CDC42SE2: variants seen among roughly 807,000 people sequenced by gnomAD.
The protein encoded by CDC42SE2 is CDC42 small effector protein 2.
In CDC42SE2, 3 loss-of-function variants were observed where a neutral mutation model predicts 11.5. The observed-to-expected ratio is 0.26, with a 90% confidence interval of 0.12 to 0.67. CDC42SE2 has a LOEUF of 0.67. Among genes scored for constraint, CDC42SE2 ranks in the 30% least tolerant of loss-of-function variants. The pLI is 0.80. For missense variants in CDC42SE2, 82 were observed against 106.8 expected, an observed-to-expected ratio of 0.77 and a Z score of 1.02; for synonymous variants, 33 against 34.8, an observed-to-expected ratio of 0.95 and a Z score of 0.18.
chr5:131,317,910 C>T (rs1758073934), intron 2 of CDC42SE2, among the ~76,000 whole-genome samples: 1 of 151,354 alleles, frequency 6.6e-6, no homozygotes, highest in Non-Finnish European at 1.5e-5. Flanking sequence ...TGGGAGAATA[C>T]CTTTTTTTCC....
At chr5:131,241,727 AC>A (rs1470353849), upstream of CDC42SE2, among the ~76,000 whole-genome samples, 2 of 151,884 alleles carry the variant, frequency 1.3e-5, no homozygotes, top group Admixed American at 6.6e-5. Context: ...ATATACACAA[AC>A]ACTCAAACTC....
chr5:131,350,382 C>G, intron 2 of CDC42SE2, among the ~76,000 whole-genome samples: 1 of 151,198 alleles, frequency 6.6e-6, no homozygotes. Flanking sequence ...GAAATATTAC[C>G]TAATCACACC....
chr5:131,329,836 G>T (rs1758378599), intron 2 of CDC42SE2, among the ~76,000 whole-genome samples: 1 of 134,052 alleles, frequency 7.5e-6, no homozygotes. Flanking sequence ...CTGAGATTGT[G>T]CCATTGCCCT....
chr5:131,312,621 G>T (rs923789558), intron 1 of CDC42SE2, among the ~76,000 whole-genome samples: 2 of 152,354 alleles, frequency 1.3e-5, no homozygotes, highest in East Asian at 1.9e-4. Flanking sequence ...CTCCGAGCCA[G>T]GCGCGGGATA....
intron 3 of CDC42SE2, among the ~76,000 whole-genome samples, chr5:131,372,703 A>G (rs1750045594): frequency 6.7e-6 from 1 of 150,206 alleles, no homozygotes; most frequent in Non-Finnish European, 1.5e-5. Context: ...ACAGAGTGAA[A>G]CTCTGTCTCA....
At chr5:131,218,196 A>G in the CDC42SE2 span, among the ~76,000 whole-genome samples, 4 of 147,736 alleles carry the variant, frequency 2.7e-5, no homozygotes, top group Non-Finnish European at 6.0e-5. Flanking sequence ...AAAAAAAAAG[A>G]GGAAGAAGAA....
At chr5:131,308,511 A>G (rs1757827300) in intron 1 of CDC42SE2, among the ~76,000 whole-genome samples, 3 of 152,016 alleles carry the variant, frequency 2.0e-5, no homozygotes, top group African/African-American at 7.2e-5. Context: ...TGGGGATGGC[A>G]TTGAATCTGT....
chr5:131,274,105 T>C (rs1200287633), intron 1 of CDC42SE2, among the ~76,000 whole-genome samples: 1 of 152,210 alleles, frequency 6.6e-6, no homozygotes, highest in Non-Finnish European at 1.5e-5. Context: ...ATGTTATCTT[T>C]AGTCTGGATC....
At chr5:131,222,878 C>CTTCTGACTCTGCTTCTGACT in the CDC42SE2 span, among the ~76,000 whole-genome samples, 14 of 152,364 alleles carry the variant, frequency 9.2e-5, no homozygotes, top group Middle Eastern at 3.4e-3. Flanking sequence ...GCCACTTACT[C>CTTCTGACTCTGCTTCTGACT]CAGCCTTTGC....
intron 1 of CDC42SE2, among the ~76,000 whole-genome samples, chr5:131,268,672 G>A (rs1346462993): frequency 6.7e-6 from 1 of 149,328 alleles, no homozygotes; most frequent in African/African-American, 2.5e-5. Context: ...GGCTGGTCTC[G>A]AACTCCCGAC....
the CDC42SE2 span, among the ~76,000 whole-genome samples, chr5:131,232,113 C>T: frequency 1.3e-5 from 2 of 151,060 alleles, no homozygotes; most frequent in Non-Finnish European, 3.0e-5. Context: ...CATTTGTTAC[C>T]TATTTTTTTT....
the CDC42SE2 span, among the ~76,000 whole-genome samples, chr5:131,229,899 A>G: frequency 6.6e-6 from 1 of 152,156 alleles, no homozygotes; most frequent in Non-Finnish European, 1.5e-5. Context: ...ACGCCACTGC[A>G]CTCCAGCCTG....
chr5:131,232,201 C>T, the CDC42SE2 span, among the ~76,000 whole-genome samples: 3 of 152,028 alleles, frequency 2.0e-5, no homozygotes, highest in Non-Finnish European at 4.4e-5. Flanking sequence ...GCAGCCTTGA[C>T]TTCCCGAACT....
At chr5:131,369,511 T>C (rs897158542) in intron 3 of CDC42SE2, among the ~76,000 whole-genome samples, 5 of 152,202 alleles carry the variant, frequency 3.3e-5, no homozygotes, top group African/African-American at 4.8e-5. Flanking sequence ...TTAGACTTGA[T>C]GTTACCATCT....
At chr5:131,216,501 C>CAAAAAA in the CDC42SE2 span, among the ~76,000 whole-genome samples, 93 of 42,096 alleles carry the variant, frequency 2.2e-3, 1 homozygote, top group African/African-American at 7.8e-3. Context: ...GAACCTGTCT[C>CAAAAAA]AAAAAAAAAA....
chr5:131,385,725 A>C (rs1750462510), intron 4 of CDC42SE2, 81 bp downstream of exon 4: 1 of 777,028 alleles, frequency 1.3e-6, no homozygotes, highest in Non-Finnish European at 2.2e-6. Flanking sequence ...AAGCATTTTT[A>C]ATAGCATTAT....
intron 2 of CDC42SE2, among the ~76,000 whole-genome samples, chr5:131,326,744 A>G (rs578112728): frequency 1.3e-5 from 2 of 151,864 alleles, no homozygotes; most frequent in East Asian, 3.9e-4. Context: ...CCTTCTTGAT[A>G]TTTTTTACCT....
chr5:131,344,882 C>G (rs1580768334), intron 2 of CDC42SE2, among the ~76,000 whole-genome samples: 1 of 151,956 alleles, frequency 6.6e-6, no homozygotes, highest in South Asian at 2.1e-4. Context: ...GATAACCAGG[C>G]AAACGATCTG....
chr5:131,346,135 C>T (rs540821174), intron 2 of CDC42SE2, among the ~76,000 whole-genome samples: 2 of 152,238 alleles, frequency 1.3e-5, no homozygotes, highest in East Asian at 1.9e-4. Flanking sequence ...ATGACAGGAT[C>T]GAATTCACAC....
Sources: allele counts gnomAD v4.1 joint callset (sites outside exome capture counted in the v4.1 genomes callset), GRCh38; gene constraint gnomAD v4.1.1; transcripts MANE v1.5; gene names NCBI Gene and HGNC (gene_info 2026-07-23, HGNC 2026-07-21).